The following CFTR variants were observed in gnomAD, a reference collection of about 807,000 sequenced individuals.
The protein encoded by CFTR is CF transmembrane conductance regulator.
CFTR carries 181 observed loss-of-function variants against 171.6 expected under a neutral mutation model. The observed-to-expected ratio is 1.05, with a 90% confidence interval of 0.93 to 1.19. The LOEUF is 1.19. Among genes scored for constraint, CFTR ranks in the 50% most tolerant of loss-of-function variants. The probability of loss-of-function intolerance (pLI) is 0.00; values close to 1 mark genes in which losing one functional copy is unlikely to be tolerated. For synonymous variants in CFTR, 583 were observed against 608.0 expected, an observed-to-expected ratio of 0.96 and a Z score of 0.60; for missense variants, 1,968 against 1,734.7, an observed-to-expected ratio of 1.13 and a Z score of -2.39.
chr7:117,641,016 T>TA (rs1020610573), intron 22 of CFTR, among the ~76,000 whole-genome samples: 1 of 151,902 alleles, frequency 6.6e-6, no homozygotes, highest in Non-Finnish European at 1.5e-5. Flanking sequence ...CAAGAAAAAA[T>TA]AAAAAAAGTA....
Position 117,480,359 on chromosome 7 carries a change from C to T in CFTR, c.53+212C>T, listed in dbSNP as rs558023958. On this transcript the variant is annotated intron_variant, in intron 1 of 26. Coordinates refer to ENST00000003084, the MANE Select transcript of CFTR (RefSeq NM_000492.4). ...GAACTGAAGCTGATTGAATAGAGAG[C>T]CACATCTACTTGCAACTGAAAAGTT... Among the ~76,000 whole-genome samples, 6 of 152,248 alleles carry T rather than the reference C, an allele frequency of 3.9e-5. No homozygotes were observed. The South Asian group carries it at 8.3e-4, about 21-fold the overall frequency.
At chr7:117,550,628 G>T (rs1476988016) in intron 10 of CFTR, among the ~76,000 whole-genome samples, 2 of 152,172 alleles carry the variant, frequency 1.3e-5, no homozygotes, top group Non-Finnish European at 2.9e-5. Context: ...GTGTTTCATA[G>T]AATTTTTAAA....
intron 8 of CFTR, 108 bp downstream of exon 8, chr7:117,540,454 C>G: frequency 2.9e-6 from 3 of 1,033,582 alleles, no homozygotes; most frequent in South Asian, 1.6e-5. Context: ...AAAGAAATTT[C>G]CTTCACTAGG....
intron 11 of CFTR, among the ~76,000 whole-genome samples, chr7:117,581,388 T>C (rs1234921062): frequency 6.6e-6 from 1 of 151,966 alleles, no homozygotes; most frequent in Non-Finnish European, 1.5e-5. Context: ...AAAATCTGCT[T>C]TTTTTTTGTA....
rs746657594 is a variant in CFTR at position 117,540,258 on chromosome 7, G to T, written c.1028G>T (p.Cys343Phe). 1.9e-6 allele frequency: 3 copies of T among 1,614,032 alleles called. No homozygotes were observed. Among genetic ancestry groups the T allele is most frequent in the Non-Finnish European group, 8.5e-7 (1 of 1,179,954 alleles). The change falls in exon 8 of 27, where the codon TGC becomes TTC. Residue 343 changes from cysteine to phenylalanine, a missense_variant. By Grantham distance (205) the Cys-to-Phe change is radical. Coordinates refer to ENST00000003084, the MANE Select transcript of CFTR (RefSeq NM_000492.4). ...LRKIFTTISF[C>F]IVLRMAVTRQ... ...AAAATATTCACCACCATCTCATTCTGCATTGTTCTGCGCATGGCGGTCACT... is the reference window on the plus strand; with the variant it reads ...AAAATATTCACCACCATCTCATTCTTCATTGTTCTGCGCATGGCGGTCACT...
intron 1 of CFTR, among the ~76,000 whole-genome samples, chr7:117,482,853 A>G (rs908867636): frequency 1.3e-5 from 2 of 152,200 alleles, no homozygotes; most frequent in African/African-American, 4.8e-5. Context: ...GTCACATGAC[A>G]TAACTTGAAT....
chr7:117,576,663 G>A (rs1791774917), intron 11 of CFTR, among the ~76,000 whole-genome samples: 1 of 151,964 alleles, frequency 6.6e-6, no homozygotes, highest in African/African-American at 2.4e-5. Context: ...CTCTGGTGAG[G>A]CATCATAGTG....
At chr7:117,550,871 G>A (rs1279541055) in intron 10 of CFTR, among the ~76,000 whole-genome samples, 7 of 152,224 alleles carry the variant, frequency 4.6e-5, no homozygotes, top group Non-Finnish European at 8.8e-5. Context: ...TCTGAGAAAC[G>A]GAGTTTACTA....
rs777795393 is a variant in CFTR at position 117,591,976 on chromosome 7, C to T, written c.1809C>T (p.Val603=). The change falls in exon 14 of 27, where the codon GTC becomes GTT. Residue 603 remains valine, a synonymous_variant. Coordinates refer to ENST00000003084, the MANE Select transcript of CFTR (RefSeq NM_000492.4). The part of the protein sequence containing the change: ...KLMANKTRIL[V]TSKMEHLKKA... ...TGGCTAACAAAACTAGGATTTTGGT[C>T]ACTTCTAAAATGGAACATTTAAAGA... 3.1e-6 allele frequency: 5 copies of T among 1,595,516 alleles called. No individual in the cohort carries two copies. The highest frequency in any genetic ancestry group is 3.4e-6 in the Non-Finnish European group (4 of 1,174,924).
intron 11 of CFTR, among the ~76,000 whole-genome samples, chr7:117,583,288 C>T (rs1168344731): frequency 6.6e-6 from 1 of 151,962 alleles, no homozygotes; most frequent in Non-Finnish European, 1.5e-5. Flanking sequence ...GAGCAGTGTG[C>T]ACTGTACCCA....
chr7:117,488,824 A>C (rs1798113544), intron 1 of CFTR, among the ~76,000 whole-genome samples: 1 of 152,058 alleles, frequency 6.6e-6, no homozygotes, highest in South Asian at 2.1e-4. Context: ...TGTTTTTCAC[A>C]GTGTTATGTT....
At chr7:117,544,135 C>T (rs561474890) in intron 9 of CFTR, among the ~76,000 whole-genome samples, 1 of 152,314 alleles carries the variant, frequency 6.6e-6, no homozygotes, top group African/African-American at 2.4e-5. Context: ...TAATTTTATT[C>T]TCTCAGCTGC....
At chr7:117,608,816 A>G (rs1279751861) in intron 18 of CFTR, among the ~76,000 whole-genome samples, 2 of 152,180 alleles carry the variant, frequency 1.3e-5, no homozygotes, top group African/African-American at 4.8e-5. Context: ...TCTGTTGCAC[A>G]AAATAAAGCA....
chr7:117,571,940 G>GT (rs1193297565), intron 11 of CFTR, among the ~76,000 whole-genome samples: 1 of 152,042 alleles, frequency 6.6e-6, no homozygotes, highest in Non-Finnish European at 1.5e-5. Flanking sequence ...TCGAATTTGA[G>GT]TTTTCTGCTA....
At chr7:117,534,988 T>A (rs1798924137) in intron 5 of CFTR, among the ~76,000 whole-genome samples, 1 of 152,242 alleles carries the variant, frequency 6.6e-6, no homozygotes, top group Non-Finnish European at 1.5e-5. Context: ...ATGTCCAATC[T>A]TGATTCCACT....
At chr7:117,602,741 G>T in intron 15 of CFTR, 85 bp from the exon 16 acceptor site, 1 of 1,044,124 alleles carries the variant, frequency 9.6e-7, no homozygotes, top group South Asian at 1.3e-5. Context: ...CACATCAAAT[G>T]GTGTGATGTG....
intron 8 of CFTR, 122 bp from the exon 9 acceptor site, chr7:117,541,894 T>G: frequency 2.3e-6 from 1 of 441,586 alleles, no homozygotes; most frequent in Non-Finnish European, 4.1e-6. Flanking sequence ...TAAGAAATAA[T>G]TACTATTTCA....
intron 10 of CFTR, among the ~76,000 whole-genome samples, chr7:117,550,404 A>C (rs1051964703): frequency 2.0e-5 from 3 of 152,216 alleles, no homozygotes; most frequent in African/African-American, 7.2e-5. Flanking sequence ...GTTTTCCTAC[A>C]TACGAAACAG....
chr7:117,599,292 G>A lies in CFTR; in HGVS notation c.2620-3534G>A, dbSNP rs537539324. Among the ~76,000 whole-genome samples the A allele has an allele frequency of 9.1e-4, 139 of 152,214 alleles. 1 individual carries two copies. The highest frequency in any genetic ancestry group is 3.3e-3 in the African/African-American group (136 of 41,538). Reference sequence around the variant, plus strand: ...ATTGTCTTCAACTTATCTGAATGTGGTAGTGATTTCTGTAAATTTATAGGA... The same window carrying A: ...ATTGTCTTCAACTTATCTGAATGTGATAGTGATTTCTGTAAATTTATAGGA... On this transcript the variant is annotated intron_variant, in intron 15 of 26. Coordinates refer to ENST00000003084, the MANE Select transcript of CFTR (RefSeq NM_000492.4).
Sources: gnomAD v4.1 joint callset for allele counts (sites outside exome capture counted in the v4.1 genomes callset) on GRCh38, gnomAD v4.1.1 for gene constraint, MANE v1.5 for transcripts, NCBI Gene and HGNC (gene_info 2026-07-23, HGNC 2026-07-21) for gene names.